RBMS3: variants seen among roughly 807,000 people sequenced by gnomAD.
The protein encoded by RBMS3 is RNA-binding motif, single-stranded-interacting protein 3.
Under a neutral mutation model 66.8 loss-of-function variants are expected in RBMS3, and 27 were observed. That is an observed-to-expected ratio of 0.40 (90% CI 0.30 to 0.56). RBMS3 has a LOEUF of 0.56. Among genes scored for constraint, RBMS3 ranks in the 20% least tolerant of loss-of-function variants. The pLI is 0.40. For synonymous variants in RBMS3, 188 were observed against 183.0 expected (o/e 1.03, Z -0.22); for missense variants, 513 against 549.5 (o/e 0.93, Z 0.66).
At chr3:29,913,184 A>G (rs1347203075) in intron 10 of RBMS3, among the ~76,000 whole-genome samples, 5 of 152,002 alleles carry the variant, frequency 3.3e-5, no homozygotes, top group African/African-American at 1.2e-4. Flanking sequence ...GATAGAATAG[A>G]ACTATTTGAT....
chr3:29,597,577 G>C (rs1487473047), intron 4 of RBMS3, among the ~76,000 whole-genome samples: 3 of 152,118 alleles, frequency 2.0e-5, no homozygotes, highest in East Asian at 3.9e-4. Flanking sequence ...GTGAAACTTA[G>C]AGTCTGCTGG....
intron 12 of RBMS3, among the ~76,000 whole-genome samples, chr3:29,960,755 C>T (rs1380336481): frequency 1.3e-5 from 2 of 152,156 alleles, no homozygotes; most frequent in Non-Finnish European, 2.9e-5. Flanking sequence ...GGGGCTTGCA[C>T]TCTCTGAAGC....
At chr3:29,747,535 C>A (rs1315652347) in intron 5 of RBMS3, among the ~76,000 whole-genome samples, 1 of 151,608 alleles carries the variant, frequency 6.6e-6, no homozygotes, top group Admixed American at 6.6e-5. Flanking sequence ...GTACATACAC[C>A]CACAAAAAAA....
chr3:29,895,996 G>A (rs935505372), intron 8 of RBMS3, among the ~76,000 whole-genome samples: 1 of 151,292 alleles, frequency 6.6e-6, no homozygotes, highest in Non-Finnish European at 1.5e-5. Flanking sequence ...ATAAATTTAA[G>A]GGTCTGGTGA....
intron 7 of RBMS3, among the ~76,000 whole-genome samples, chr3:29,877,010 A>G (rs2059624425): frequency 1.3e-5 from 2 of 152,206 alleles, no homozygotes; most frequent in African/African-American, 4.8e-5. Flanking sequence ...GATTGGAAAG[A>G]GGTTTTGAGC....
chr3:29,876,823 C>G (rs1453652361), intron 7 of RBMS3, among the ~76,000 whole-genome samples: 1 of 139,986 alleles, frequency 7.1e-6, no homozygotes, highest in Non-Finnish European at 1.5e-5. Context: ...AGGGTGAAGT[C>G]TAGAGGTGAA....
At chr3:29,741,442 G>T (rs1332113936) in intron 5 of RBMS3, among the ~76,000 whole-genome samples, 1 of 152,200 alleles carries the variant, frequency 6.6e-6, no homozygotes, top group Non-Finnish European at 1.5e-5. Flanking sequence ...CCTGAGCGAT[G>T]TGGGAGTTCA....
intron 4 of RBMS3, among the ~76,000 whole-genome samples, chr3:29,603,544 C>T (rs77081998): frequency 0.021 from 3,172 of 152,096 alleles, 51 homozygotes; most frequent in Non-Finnish European, 0.029. Flanking sequence ...TTGGCATCCA[C>T]TGACACTATA....
intron 3 of RBMS3, among the ~76,000 whole-genome samples, chr3:29,512,377 CATT>C (rs1206549009): frequency 6.6e-6 from 1 of 152,012 alleles, no homozygotes; most frequent in African/African-American, 2.4e-5. Flanking sequence ...ATTCATCTGA[CATT>C]AGTTAGAATT....
At chr3:29,455,345 A>G (rs2125768914) in intron 2 of RBMS3, among the ~76,000 whole-genome samples, 1 of 152,324 alleles carries the variant, frequency 6.6e-6, no homozygotes, top group East Asian at 1.9e-4. Context: ...AAAAATTAAC[A>G]CCATTTACAG....
intron 6 of RBMS3, among the ~76,000 whole-genome samples, chr3:29,796,089 C>T (rs778584214): frequency 6.6e-6 from 1 of 152,116 alleles, no homozygotes. Context: ...GAAAGTGAAT[C>T]TCAATAATAT....
chr3:29,413,078 A>T (rs6798756), intron 1 of RBMS3, among the ~76,000 whole-genome samples: 18,907 of 152,218 alleles, frequency 0.12, 1,379 homozygotes, highest in East Asian at 0.29. Context: ...AGAAAAAGAG[A>T]GGCAGCAGAA....
chr3:29,617,184 C>T (rs2048701668), intron 4 of RBMS3: 2 of 152,158 alleles, frequency 1.3e-5, no homozygotes, highest in Admixed American at 1.3e-4. Context: ...GCCTGTTGGG[C>T]AGGAACACAG....
At position 29,567,821 on chromosome 3, in the gene RBMS3, A is replaced by G. The variant is rs981756915; in HGVS notation, c.308-19293A>G. ...TTTTCAAAATATGACACAGAAGTTC[A>G]CCAATTCCTTCCAACTCATAACACT... is the stretch of plus-strand genomic sequence containing the variant. On this transcript the variant is annotated intron_variant, in intron 3 of 14. Transcript: ENST00000383767. Among the ~76,000 whole-genome samples the G allele has an allele frequency of 4.6e-5, 7 of 152,286 alleles. No individual in the cohort carries two copies. The East Asian group carries it at 1.3e-3, about 29-fold the overall frequency.
At chr3:29,480,025 T>C (rs2043076824) in intron 2 of RBMS3, among the ~76,000 whole-genome samples, 1 of 152,140 alleles carries the variant, frequency 6.6e-6, no homozygotes, top group Non-Finnish European at 1.5e-5. Flanking sequence ...AGATGGTGAG[T>C]TGAACTTTGT....
At chr3:29,393,570 CA>C (rs1365559116) in intron 1 of RBMS3, among the ~76,000 whole-genome samples, 1 of 152,288 alleles carries the variant, frequency 6.6e-6, no homozygotes, top group Non-Finnish European at 1.5e-5. Flanking sequence ...TGACATAGGA[CA>C]AAAACTCTAC....
At chr3:29,959,495 T>C (rs967253046) in intron 12 of RBMS3, among the ~76,000 whole-genome samples, 8 of 152,114 alleles carry the variant, frequency 5.3e-5, no homozygotes, top group African/African-American at 1.9e-4. Context: ...TGGTGCATGA[T>C]TCTGATGGTG....
At chr3:29,873,619 C>T (rs2059543518) in intron 7 of RBMS3, among the ~76,000 whole-genome samples, 2 of 152,096 alleles carry the variant, frequency 1.3e-5, no homozygotes, top group Non-Finnish European at 2.9e-5. Context: ...ACTTCCAATA[C>T]TGTGTTGAAT....
chr3:29,826,244 T>A (rs1201996362), intron 6 of RBMS3, among the ~76,000 whole-genome samples: 1 of 152,216 alleles, frequency 6.6e-6, no homozygotes, highest in Non-Finnish European at 1.5e-5. Context: ...CTTTATAAGC[T>A]GTGAGTCTCC....
Sources: allele counts gnomAD v4.1 joint callset (sites outside exome capture counted in the v4.1 genomes callset), GRCh38; gene constraint gnomAD v4.1.1; transcripts MANE v1.5; gene names NCBI Gene and HGNC (gene_info 2026-07-23, HGNC 2026-07-21).